The following RGS7 variants were observed in gnomAD, a reference collection of about 807,000 sequenced individuals.
RGS7 encodes the protein regulator of G protein signaling 7, also known as regulator of G-protein signaling 7.
RGS7 carries 27 observed loss-of-function variants against 81.1 expected under a neutral mutation model. The observed-to-expected ratio is 0.33, with a 90% CI of 0.25 to 0.46. The LOEUF (loss-of-function observed/expected upper bound fraction) is 0.46, where lower values mean the gene tolerates loss of function less well. Among genes scored for constraint, RGS7 ranks in the 20% least tolerant of loss-of-function variants. The pLI, the probability that RGS7 is intolerant of heterozygous loss-of-function variation, is 1.00. For missense variants in RGS7, 396 were observed against 607.4 expected, an observed-to-expected ratio of 0.65 and a Z score of 3.66; for synonymous variants, 208 against 207.7, an observed-to-expected ratio of 1.00 and a Z score of -0.01.
chr1:240,954,430 C>T (rs1680025917), intron 4 of RGS7, among the ~76,000 whole-genome samples: 1 of 152,056 alleles, frequency 6.6e-6, no homozygotes, highest in Admixed American at 6.5e-5. Flanking sequence ...ATATGCAAGC[C>T]TGATACAGCA....
chr1:241,355,236 AGT>A, intron 2 of RGS7, among the ~76,000 whole-genome samples: 1 of 152,286 alleles, frequency 6.6e-6, no homozygotes, highest in East Asian at 1.9e-4. Context: ...GAACGAAATT[AGT>A]AAACCACATA....
Position 240,827,001 on chromosome 1 carries a change from G to C in RGS7, c.684+97C>G, listed in dbSNP as rs1057335732. ...GTGGAAGGCTGGGAAGAGTGGGAAA[G>C]ATACTGCATGACATGAGAAGAAAGT... On this transcript the variant is annotated intron_variant, in intron 10 of 18. Transcript: ENST00000440928. The C allele has an allele frequency of 5.3e-5, 52 of 987,082 alleles. No individual in the cohort carries two copies. The Admixed American group carries it at 7.5e-4, about 14-fold the overall frequency. 61.1% of individuals were successfully genotyped at this position (987,082 alleles called of 1,614,324 possible). A position where few individuals can be genotyped will look rare whatever the true frequency, so the allele number is the denominator to read the frequency against.
At chr1:241,217,113 A>G (rs1001383657) in intron 2 of RGS7, among the ~76,000 whole-genome samples, 1 of 152,204 alleles carries the variant, frequency 6.6e-6, no homozygotes, top group Non-Finnish European at 1.5e-5. Context: ...AATGGAGGTT[A>G]AATGAGGTCA....
chr1:241,206,616 T>A (rs1045234764), intron 2 of RGS7, among the ~76,000 whole-genome samples: 1 of 152,176 alleles, frequency 6.6e-6, no homozygotes, highest in Non-Finnish European at 1.5e-5. Flanking sequence ...GGAACTGCCA[T>A]CTATGTGCCC....
intron 2 of RGS7, among the ~76,000 whole-genome samples, chr1:241,112,607 T>C (rs1041673865): frequency 1.3e-5 from 2 of 152,224 alleles, no homozygotes; most frequent in Non-Finnish European, 2.9e-5. Context: ...TTCAAAGTTT[T>C]AAAGTGGTTT....
At chr1:241,017,390 A>G (rs1026047317) in intron 3 of RGS7, among the ~76,000 whole-genome samples, 2 of 150,932 alleles carry the variant, frequency 1.3e-5, no homozygotes, top group South Asian at 2.1e-4. Context: ...CAGTGAGACA[A>G]GATCACACCA....
chr1:241,251,649 A>T (rs1346202857), intron 2 of RGS7, among the ~76,000 whole-genome samples: 2 of 151,740 alleles, frequency 1.3e-5, no homozygotes, highest in African/African-American at 4.8e-5. Context: ...AGCTGGGATT[A>T]CAAGCGCTTG....
In RGS7 at chr1:240,960,125, G is replaced by T. The variant is rs1185585940; in HGVS notation, c.226+22954C>A. ...GATCACATCACAGCCCTCCTGCCTG[G>T]GTGAAAGAGTGAGTGAGACTCCATC... is the stretch of plus-strand genomic sequence containing the variant. On this transcript the variant is annotated intron_variant, in intron 4 of 18. Coordinates refer to ENST00000440928, the MANE Select transcript of RGS7 (RefSeq NM_001364886.1). Among the ~76,000 whole-genome samples, 4 of 151,352 alleles carry T rather than the reference G, an allele frequency of 2.6e-5. No homozygotes were observed. In the East Asian group the frequency reaches 7.7e-4, roughly 29 times the overall value.
chr1:241,287,297 C>T (rs1440493113), intron 2 of RGS7, among the ~76,000 whole-genome samples: 1 of 152,168 alleles, frequency 6.6e-6, no homozygotes, highest in Non-Finnish European at 1.5e-5. Context: ...CCATAATTCC[C>T]ATGTGTTGTG....
chr1:241,017,745 C>T (rs559020), intron 3 of RGS7, among the ~76,000 whole-genome samples: 44,438 of 151,892 alleles, frequency 0.29, 7,910 homozygotes, highest in African/African-American at 0.5. Context: ...AGATTTTATC[C>T]TTTTCTTGAT....
In RGS7 at chr1:241,235,909, T is replaced by TGAGA. The variant is rs1553294805; in HGVS notation, c.78+119786_78+119789dup. On this transcript the variant is annotated intron_variant, in intron 2 of 18. Transcript: ENST00000440928. ...GGGTGAACCCCTAGGAGATGCACTT[T>TGAGA]GAGAGAGAGAGAGAGAGAGAGAGAA... Among the ~76,000 whole-genome samples the TGAGA allele has an allele frequency of 9.1e-4, 126 of 137,996 alleles. 1 individual carries two copies. Among genetic ancestry groups the TGAGA allele is most frequent in the Non-Finnish European group, 1.5e-3 (93 of 61,440 alleles). 90.5% of individuals were successfully genotyped at this position (137,996 alleles called of 152,430 possible).
At chr1:241,001,404 T>C (rs181023046) in intron 3 of RGS7, among the ~76,000 whole-genome samples, 45 of 152,140 alleles carry the variant, frequency 3.0e-4, no homozygotes, top group African/African-American at 1.1e-3. Flanking sequence ...AAAAGTAAGA[T>C]AGTAAGGATA....
At chr1:241,202,012 AC>A (rs1303848056) in intron 2 of RGS7, among the ~76,000 whole-genome samples, 217 of 5,580 alleles carry the variant, frequency 0.039, 3 homozygotes, top group African/African-American at 0.12. Context: ...ACACACACAG[AC>A]ACACACACAC....
At chr1:240,983,169 A>G (rs1273179165) in intron 3 of RGS7, 40 bp from the exon 4 acceptor site, 1 of 1,143,310 alleles carries the variant, frequency 8.7e-7, no homozygotes, top group South Asian at 1.4e-5. Flanking sequence ...AGATGTGAAC[A>G]TTTTGTTTAT....
At chr1:241,064,644 C>T (rs2061953436) in intron 3 of RGS7, among the ~76,000 whole-genome samples, 1 of 151,886 alleles carries the variant, frequency 6.6e-6, no homozygotes, top group Non-Finnish European at 1.5e-5. Flanking sequence ...GCCTGTAATC[C>T]CAGCACTTTG....
At chr1:241,328,034 T>G (rs1405925169) in intron 2 of RGS7, among the ~76,000 whole-genome samples, 1 of 152,236 alleles carries the variant, frequency 6.6e-6, no homozygotes, top group African/African-American at 2.4e-5. Flanking sequence ...TATGTACATA[T>G]TAAATTACAT....
intron 9 of RGS7, among the ~76,000 whole-genome samples, chr1:240,834,635 C>T (rs1040207171): frequency 2.0e-5 from 3 of 152,084 alleles, no homozygotes; most frequent in East Asian, 1.9e-4. Flanking sequence ...CTCAGCCTCC[C>T]GAGTAGCTGG....
intron 2 of RGS7, among the ~76,000 whole-genome samples, chr1:241,295,452 C>CA (rs1211529817): frequency 3.1e-5 from 4 of 129,408 alleles, no homozygotes; most frequent in South Asian, 2.4e-4. Flanking sequence ...GACTCTGTCT[C>CA]AAAAAAAGAA....
At chr1:240,864,718 C>T (rs1477129922) in intron 9 of RGS7, among the ~76,000 whole-genome samples, 1 of 152,124 alleles carries the variant, frequency 6.6e-6, no homozygotes, top group African/African-American at 2.4e-5. Context: ...ACCACATCAG[C>T]CTTAAGTCAA....
Sources: allele counts gnomAD v4.1 joint callset (sites outside exome capture counted in the v4.1 genomes callset), GRCh38; gene constraint gnomAD v4.1.1; transcripts MANE v1.5; gene names NCBI Gene and HGNC (gene_info 2026-07-23, HGNC 2026-07-21).